Variants in H2AZ2 observed in about 807,000 individuals in gnomAD.
H2AZ2 encodes the protein H2A.Z variant histone 2.
A neutral mutation model predicts 15.5 loss-of-function variants in H2AZ2; 5 were observed. That is an observed-to-expected ratio of 0.32 (90% CI 0.17 to 0.68). The LOEUF (loss-of-function observed/expected upper bound fraction) is 0.68, where lower values mean the gene tolerates loss of function less well. H2AZ2 is among the 30% of genes least tolerant of loss of function. The pLI, the probability that H2AZ2 is intolerant of heterozygous loss-of-function variation, is 0.72. For missense variants in H2AZ2, 42 were observed against 162.5 expected, an observed-to-expected ratio of 0.26 and a Z score of 4.03; for synonymous variants, 44 against 57.4, an observed-to-expected ratio of 0.77 and a Z score of 1.05.
At chr7:44,842,851 G>C (rs1388341534) in intron 2 of H2AZ2, among the ~76,000 whole-genome samples, 2 of 151,930 alleles carry the variant, frequency 1.3e-5, no homozygotes. Flanking sequence ...TGATTAAAAG[G>C]GTTTCTCAGC....
chr7:44,845,472 C>T (rs1000454211), intron 1 of H2AZ2, among the ~76,000 whole-genome samples: 4 of 152,120 alleles, frequency 2.6e-5, no homozygotes, highest in African/African-American at 9.7e-5. Context: ...ATAAAAAACC[C>T]TTGTTACCTC....
chr7:44,845,088 C>A (rs556947791), intron 1 of H2AZ2, among the ~76,000 whole-genome samples: 1 of 151,950 alleles, frequency 6.6e-6, no homozygotes, highest in Non-Finnish European at 1.5e-5. Flanking sequence ...TGGCATATCC[C>A]CTTTGTAGCT....
intron 2 of H2AZ2, among the ~76,000 whole-genome samples, chr7:44,842,370 A>G (rs1194514122): frequency 6.6e-6 from 1 of 152,188 alleles, no homozygotes; most frequent in Non-Finnish European, 1.5e-5. Flanking sequence ...TATCACCTCT[A>G]TTAGAAAGCT....
At chr7:44,834,783 G>GTTT in intron 4 of H2AZ2, 1 of 267,352 alleles carries the variant, frequency 3.7e-6, no homozygotes, top group Non-Finnish European at 6.9e-6. Context: ...AGTAACCATA[G>GTTT]CTTTTTTTTT....
At chr7:44,847,628 G>C (rs1793444276) in intron 1 of H2AZ2, among the ~76,000 whole-genome samples, 2 of 152,150 alleles carry the variant, frequency 1.3e-5, no homozygotes, top group Admixed American at 6.5e-5. Flanking sequence ...ACAGAGAAGC[G>C]ATCACATTAA....
At position 44,834,063 on chromosome 7, in the gene H2AZ2, T is replaced by C; in HGVS notation, c.*438A>G. ...CGTTTGTAAAAAATGGTGCTACAGA[T>C]CAATAGCATCTAAGAGTCAATATAC... On this transcript the variant is annotated 3_prime_UTR_variant, in exon 5 of 5. Coordinates refer to ENST00000308153, the MANE Select transcript of H2AZ2 (RefSeq NM_012412.5). 1 of 690,610 alleles carries C rather than the reference T, an allele frequency of 1.4e-6. No homozygotes were observed. The highest frequency in any genetic ancestry group is 1.8e-6 in the Non-Finnish European group (1 of 561,308). The allele number at this position is 690,610 out of a possible 1,614,324, so 42.8% of individuals were successfully genotyped here.
intron 2 of H2AZ2, among the ~76,000 whole-genome samples, chr7:44,842,659 A>G (rs561010488): frequency 6.6e-6 from 1 of 152,300 alleles, no homozygotes; most frequent in Admixed American, 6.5e-5. Context: ...CTTCAAATTA[A>G]GTATGCCTTA....
At chr7:44,829,017 G>A (rs935149983), downstream of H2AZ2, 2 of 152,144 alleles carry the variant, frequency 1.3e-5, no homozygotes, top group Non-Finnish European at 2.9e-5. Context: ...GGTAATCCAG[G>A]ATAATATCTC....
intron 4 of H2AZ2, 111 bp downstream of exon 4, chr7:44,835,418 T>C: frequency 1.3e-6 from 1 of 782,476 alleles, no homozygotes. Context: ...TTTATGAAAT[T>C]AAAGTTTATA....
At chr7:44,836,715 G>A (rs960288863) in intron 3 of H2AZ2, among the ~76,000 whole-genome samples, 1 of 151,836 alleles carries the variant, frequency 6.6e-6, no homozygotes, top group African/African-American at 2.4e-5. Flanking sequence ...ATGGGGTTTC[G>A]GCTAGGCGCG....
intron 1 of H2AZ2, among the ~76,000 whole-genome samples, chr7:44,845,996 TGA>T (rs1793388380): frequency 6.6e-6 from 1 of 150,572 alleles, no homozygotes; most frequent in South Asian, 2.1e-4. Context: ...CGTATTAACC[TGA>T]GTTAAGGTTG....
intron 1 of H2AZ2, among the ~76,000 whole-genome samples, chr7:44,844,883 C>T (rs2117045194): frequency 6.6e-6 from 1 of 152,016 alleles, no homozygotes. Context: ...TAGTAGGTGA[C>T]ACAATAAATT....
chr7:44,846,062 C>CAGAGAGAGAGAGAGAGAG (rs1554336348), intron 1 of H2AZ2, among the ~76,000 whole-genome samples: 1 of 75,060 alleles, frequency 1.3e-5, no homozygotes, highest in Non-Finnish European at 3.2e-5. Context: ...CACACACACA[C>CAGAGAGAGAGAGAGAGAG]AGAGAGAGAC....
Position 44,833,278 on chromosome 7 carries a change from G to C in H2AZ2, c.*1223C>G, listed in dbSNP as rs978746183. Among the ~76,000 whole-genome samples, 4 of 152,136 alleles carry C rather than the reference G, an allele frequency of 2.6e-5. No individual in the cohort carries two copies. The highest frequency in any genetic ancestry group is 9.6e-5 in the African/African-American group (4 of 41,454). ...AGAGGGAGTCTTGCTCAGTCGCCAA[G>C]CTGGAGTGCAGTGGCGCCATCTTGG... On this transcript the variant is annotated 3_prime_UTR_variant, in exon 5 of 5. Transcript: ENST00000308153.
In H2AZ2 at chr7:44,834,439, A is replaced by G. The variant is rs935002540; in HGVS notation, c.*62T>C. 9.6e-6 allele frequency: 15 copies of G among 1,554,482 alleles called. No individual in the cohort carries two copies. Among genetic ancestry groups the G allele is most frequent in the African/African-American group, 1.4e-5 (1 of 73,214 alleles). On this transcript the variant is annotated 3_prime_UTR_variant, in exon 5 of 5. Coordinates refer to ENST00000308153, the MANE Select transcript of H2AZ2 (RefSeq NM_012412.5). ...GTTAAAAATTCCACATATCCCCATTATTTCTTCTGTCCCAGTTACAGTACA... is the reference window on the plus strand; with the variant it reads ...GTTAAAAATTCCACATATCCCCATTGTTTCTTCTGTCCCAGTTACAGTACA...
intron 3 of H2AZ2, among the ~76,000 whole-genome samples, chr7:44,836,241 G>A (rs985882284): frequency 6.6e-6 from 1 of 152,086 alleles, no homozygotes; most frequent in African/African-American, 2.4e-5. Flanking sequence ...GAGATTACAA[G>A]TGTGAGCCAC....
At chr7:44,840,435 A>G (rs1374266891) in intron 3 of H2AZ2, among the ~76,000 whole-genome samples, 2 of 152,078 alleles carry the variant, frequency 1.3e-5, no homozygotes, top group African/African-American at 4.8e-5. Context: ...TTACATTGGC[A>G]TTGGGTAATA....
In H2AZ2 at chr7:44,833,277, A is replaced by C. The variant is rs571427991; in HGVS notation, c.*1224T>G. 2.6e-5 allele frequency among the ~76,000 whole-genome samples: 4 copies of C among 152,138 alleles called. No homozygotes were observed. The highest frequency in any genetic ancestry group is 9.6e-5 in the African/African-American group (4 of 41,532). ...GAGAGGGAGTCTTGCTCAGTCGCCA[A>C]GCTGGAGTGCAGTGGCGCCATCTTG... On this transcript the variant is annotated 3_prime_UTR_variant, in exon 5 of 5. Transcript: ENST00000308153.
At chr7:44,843,822 T>A (rs1793335144) in intron 1 of H2AZ2, among the ~76,000 whole-genome samples, 1 of 152,178 alleles carries the variant, frequency 6.6e-6, no homozygotes, top group Non-Finnish European at 1.5e-5. Context: ...CCTCCCAAAG[T>A]GCTGGGATTA....
Sources: gnomAD v4.1 joint callset for allele counts (sites outside exome capture counted in the v4.1 genomes callset) on GRCh38, gnomAD v4.1.1 for gene constraint, MANE v1.5 for transcripts, NCBI Gene and HGNC (gene_info 2026-07-23, HGNC 2026-07-21) for gene names.